PDGFD: variants seen among roughly 807,000 people sequenced by gnomAD.
The protein encoded by PDGFD is platelet-derived growth factor D.
In PDGFD, 30 loss-of-function variants were observed where a neutral mutation model predicts 44.7. The ratio of observed to expected loss-of-function variants is 0.67; its 90% CI spans 0.50 to 0.91. The LOEUF (loss-of-function observed/expected upper bound fraction) is 0.91. Among genes scored for constraint, PDGFD ranks in the 40% least tolerant of loss-of-function variants. The probability of loss-of-function intolerance (pLI) is 0.00; values close to 1 mark genes in which losing one functional copy is unlikely to be tolerated. For synonymous variants in PDGFD, 173 were observed against 168.4 expected (o/e 1.03, Z -0.21); for missense variants, 445 against 457.8 (o/e 0.97, Z 0.25).
intron 1 of PDGFD, among the ~76,000 whole-genome samples, chr11:104,044,546 TA>T (rs1860408904): frequency 6.6e-6 from 1 of 152,236 alleles, no homozygotes; most frequent in South Asian, 2.1e-4. Context: ...ATATTTTCAA[TA>T]ATTAGAATAA....
intron 1 of PDGFD, among the ~76,000 whole-genome samples, chr11:104,137,105 T>C (rs1254687630): frequency 6.6e-6 from 1 of 152,224 alleles, no homozygotes; most frequent in Non-Finnish European, 1.5e-5. Context: ...TTGGGTCTAC[T>C]GAACACTAGG....
chr11:104,019,775 A>T (rs938836665), intron 1 of PDGFD, among the ~76,000 whole-genome samples: 1 of 152,136 alleles, frequency 6.6e-6, no homozygotes, highest in African/African-American at 2.4e-5. Flanking sequence ...CACAAACGTT[A>T]TATTTTCTGT....
chr11:104,038,358 T>C (rs1860289119), intron 1 of PDGFD: 1 of 220,896 alleles, frequency 4.5e-6, no homozygotes, highest in Non-Finnish European at 9.9e-6. Context: ...TTTTGCAGAA[T>C]TCCCTGGAAA....
chr11:104,037,417 C>A (rs913967126), intron 1 of PDGFD: 1 of 1,613,980 alleles, frequency 6.2e-7, no homozygotes, highest in East Asian at 2.2e-5. Context: ...AGAGAGGCTT[C>A]GTCTCTACAC....
chr11:104,096,248 A>AT (rs1861285545), intron 1 of PDGFD, among the ~76,000 whole-genome samples: 1 of 151,940 alleles, frequency 6.6e-6, no homozygotes, highest in African/African-American at 2.4e-5. Flanking sequence ...CTGCAAAAAA[A>AT]AACTACAAAA....
intron 3 of PDGFD, among the ~76,000 whole-genome samples, chr11:103,980,903 C>T (rs927017538): frequency 6.6e-6 from 1 of 151,980 alleles, no homozygotes; most frequent in Non-Finnish European, 1.5e-5. Flanking sequence ...CTCTCAGCCT[C>T]CAGTACCATG....
At chr11:104,155,597 T>G (rs940256931) in intron 1 of PDGFD, among the ~76,000 whole-genome samples, 1 of 152,228 alleles carries the variant, frequency 6.6e-6, no homozygotes, top group African/African-American at 2.4e-5. Flanking sequence ...GTGATGTAAT[T>G]ATATGGAAAG....
At chr11:104,018,179 T>G (rs1194314578) in intron 1 of PDGFD, among the ~76,000 whole-genome samples, 1 of 151,194 alleles carries the variant, frequency 6.6e-6, no homozygotes, top group Non-Finnish European at 1.5e-5. Context: ...GACTAAAAGC[T>G]TCTGGAAAAT....
intron 1 of PDGFD, among the ~76,000 whole-genome samples, chr11:104,102,412 A>T (rs576790542): frequency 2.0e-5 from 3 of 152,184 alleles, no homozygotes; most frequent in Non-Finnish European, 2.9e-5. Context: ...GGCGATCATT[A>T]AAAAGTCAGG....
At chr11:104,053,258 A>C (rs1860569646) in intron 1 of PDGFD, among the ~76,000 whole-genome samples, 1 of 152,182 alleles carries the variant, frequency 6.6e-6, no homozygotes, top group Non-Finnish European at 1.5e-5. Context: ...GTCCTTTTAC[A>C]ATGTATAAAT....
In PDGFD at chr11:103,909,702, G is replaced by A; in HGVS notation, c.1105C>T (p.Pro369Ser). ...RCDCICSSRPPR is the reference protein window; with the variant it reads ...RCDCICSSRPSR ...AGGATGTGCACATTCTCTTATCGAG[G>A]TGGTCTTGAGCTGCAGATACAATCA... Residue 369 changes from proline to serine, a missense_variant, in exon 7 of 7, where the codon CCT (proline) becomes TCT (serine). Pro to Ser is a moderately conservative substitution (Grantham distance 74, BLOSUM62 -1). Transcript: ENST00000393158. The A allele has an allele frequency of 6.2e-7, 1 of 1,614,064 alleles. No homozygotes were observed. The highest frequency in any genetic ancestry group is 8.5e-7 in the Non-Finnish European group (1 of 1,179,932).
At chr11:104,153,202 G>C (rs1325908479) in intron 1 of PDGFD, among the ~76,000 whole-genome samples, 1 of 152,060 alleles carries the variant, frequency 6.6e-6, no homozygotes, top group African/African-American at 2.4e-5. Flanking sequence ...TCCAGATTCT[G>C]AATTTAAACA....
chr11:103,947,685 C>G lies in PDGFD; in HGVS notation c.550G>C (p.Glu184Gln), dbSNP rs769639743. 6.2e-7 allele frequency: 1 copy of G among 1,613,504 alleles called. No individual in the cohort carries two copies. The highest frequency in any genetic ancestry group is 8.5e-7 in the Non-Finnish European group (1 of 1,179,558). Reference sequence around the variant, plus strand: ...ACTGAAATAGAGCTTGTGACAGATTCCCAGTTGGTCTCTGAAGCTGCTGCG... The same window carrying G: ...ACTGAAATAGAGCTTGTGACAGATTGCCAGTTGGTCTCTGAAGCTGCTGCG... ...QPAAASETNW[E>Q]SVTSSISGVS... is the part of the protein sequence containing the mutation. Residue 184 changes from glutamate (E) to glutamine (Q), a missense_variant, in exon 4 of 7, where the codon GAA (glutamate) becomes CAA (glutamine). By Grantham distance (29) the Glu-to-Gln change is conservative (BLOSUM62 2). Coordinates refer to ENST00000393158, the MANE Select transcript of PDGFD (RefSeq NM_025208.5).
intron 3 of PDGFD, among the ~76,000 whole-genome samples, chr11:103,993,763 C>T (rs938045992): frequency 4.6e-5 from 7 of 152,140 alleles, no homozygotes; most frequent in African/African-American, 1.7e-4. Context: ...AGGTTAAGCT[C>T]ATTCTATCTC....
chr11:104,081,056 C>G (rs1861039379), intron 1 of PDGFD, among the ~76,000 whole-genome samples: 1 of 152,196 alleles, frequency 6.6e-6, no homozygotes, highest in Non-Finnish European at 1.5e-5. Flanking sequence ...AGAGTCAGAA[C>G]TGTCCAGCTA....
intron 3 of PDGFD, among the ~76,000 whole-genome samples, chr11:103,956,332 G>A (rs539903728): frequency 8.6e-5 from 13 of 151,216 alleles, no homozygotes; most frequent in Middle Eastern, 3.4e-3. Context: ...TTGTCTTTGC[G>A]ATAGATTACT....
intron 1 of PDGFD, among the ~76,000 whole-genome samples, chr11:104,014,448 A>G (rs1189581079): frequency 1.3e-5 from 2 of 152,146 alleles, no homozygotes; most frequent in Non-Finnish European, 2.9e-5. Flanking sequence ...GTGAGCTATG[A>G]CTACACCACT....
Position 103,943,590 on chromosome 11 carries a change from T to A in PDGFD, c.634A>T (p.Lys212Ter). The change falls in exon 5 of 7, where the codon AAA (lysine) becomes TAA (stop). Residue 212 changes from lysine (K) to a stop codon, truncating the protein, a stop_gained. Transcript: ENST00000393158. LOFTEE classifies it high-confidence loss of function. ...ACTGTATCAAATTCTGCAATTTTTT[T>A]GTCCAGAGCATCCGCAATCAGAGTG... ...DPTLIADALD[K>*]KIAEFDTVED... 6.2e-7 allele frequency: 1 copy of A among 1,613,328 alleles called. No homozygotes were observed. The highest frequency in any genetic ancestry group is 8.5e-7 in the Non-Finnish European group (1 of 1,179,574).
chr11:104,136,947 G>T (rs1459094656), intron 1 of PDGFD, among the ~76,000 whole-genome samples: 5 of 152,180 alleles, frequency 3.3e-5, no homozygotes, highest in Admixed American at 6.5e-5. Flanking sequence ...AGGGTCTTTA[G>T]AATGTAACTA....
Sources: gnomAD v4.1 joint callset for allele counts (sites outside exome capture counted in the v4.1 genomes callset) on GRCh38, gnomAD v4.1.1 for gene constraint, MANE v1.5 for transcripts, NCBI Gene and HGNC (gene_info 2026-07-23, HGNC 2026-07-21) for gene names.